The following WIPI2 variants were observed in gnomAD, a reference collection of about 807,000 sequenced individuals.
WIPI2 encodes WD repeat domain, phosphoinositide interacting 2, also known as WD repeat domain phosphoinositide-interacting protein 2.
WIPI2 carries 28 observed loss-of-function variants against 52.3 expected under a neutral mutation model. The observed-to-expected ratio is 0.54, with a 90% CI of 0.40 to 0.73. The LOEUF (loss-of-function observed/expected upper bound fraction) is 0.73. Among genes scored for constraint, WIPI2 ranks in the 30% least tolerant of loss-of-function variants. The probability of loss-of-function intolerance (pLI) is 0.00; values close to 1 mark genes in which losing one functional copy is unlikely to be tolerated. For synonymous variants in WIPI2, 268 were observed against 245.0 expected (o/e 1.09, Z -0.88); for missense variants, 506 against 602.9 (o/e 0.84, Z 1.68).
intron 6 of WIPI2, chr7:5,217,461 G>T (rs1214527267): frequency 4.6e-6 from 2 of 437,260 alleles, no homozygotes; most frequent in Non-Finnish European, 8.4e-6. Context: ...ACCACACCCA[G>T]CTAATTTTTT....
chr7:5,222,472 G>T, intron 7 of WIPI2, 130 bp from the exon 8 acceptor site: 1 of 942,288 alleles, frequency 1.1e-6, no homozygotes, highest in Non-Finnish European at 1.7e-6. Context: ...GGGGACCCCA[G>T]ACTCCTTGGT....
intron 7 of WIPI2, 97 bp downstream of exon 7, chr7:5,218,111 C>A: frequency 1.5e-6 from 2 of 1,298,860 alleles, no homozygotes; most frequent in Admixed American, 3.5e-5. Context: ...AGGTCCTATA[C>A]TTACCAGCTC....
At chr7:5,214,334 G>A in intron 3 of WIPI2, 1 of 1,576,040 alleles carries the variant, frequency 6.3e-7, no homozygotes, top group Non-Finnish European at 8.6e-7. Context: ...TCCTTAGAGT[G>A]GAAATGCTCC....
chr7:5,193,144 C>A lies in WIPI2; in HGVS notation c.101C>A (p.Ala34Asp). ...NTEVKGASRA[A>D]GLGRRAVVWS... ...GAAGTGAAAGGGGCATCAAGAGCAG[C>A]TGGTCTTGGCCGTCGCGCTGTTGTC... is the stretch of plus-strand genomic sequence containing the variant. The change falls in exon 2 of 13, where the codon GCT becomes GAT. Residue 34 changes from alanine (A) to aspartate (D), a missense_variant. Physicochemically the swap from Ala to Asp is moderately radical, Grantham distance 126. This residue lies in a region of WIPI2 where 60 missense variants were observed against 49.7 expected (regional missense o/e 1.21). Transcript: ENST00000288828. 6.2e-7 allele frequency: 1 copy of A among 1,613,932 alleles called. No homozygotes were observed. The highest frequency in any genetic ancestry group is 8.5e-7 in the Non-Finnish European group (1 of 1,179,994).
chr7:5,223,705 T>C (rs1783268343), intron 8 of WIPI2, among the ~76,000 whole-genome samples: 1 of 152,200 alleles, frequency 6.6e-6, no homozygotes, highest in South Asian at 2.1e-4. Flanking sequence ...GTATTCCTCC[T>C]GCCTGCTGGG....
chr7:5,214,174 G>A (rs1583569734), intron 3 of WIPI2: 6 of 968,624 alleles, frequency 6.2e-6, no homozygotes, highest in East Asian at 5.5e-5. Flanking sequence ...TTGCAGTTTC[G>A]TAGTAGTTTG....
In WIPI2 at chr7:5,232,318, TC is replaced by T. The variant is rs1331744921; in HGVS notation, c.*1375del. ...TGGGCGAAGAGCTGGAGGGGAGTTG[TC>T]CCCTCAGCTGAGCGGCTGCGGTGAA... On this transcript the variant is annotated 3_prime_UTR_variant, in exon 13 of 13. Coordinates refer to ENST00000288828, the MANE Select transcript of WIPI2 (RefSeq NM_015610.4). 1 of 398,520 alleles carries T rather than the reference TC, an allele frequency of 2.5e-6. No individual in the cohort carries two copies. Among genetic ancestry groups the T allele is most frequent in the Admixed American group, 4.4e-5 (1 of 22,718 alleles). 24.7% of individuals were successfully genotyped at this position (398,520 alleles called of 1,614,324 possible). A position where few individuals can be genotyped will look rare whatever the true frequency, so the allele number is the denominator to read the frequency against.
chr7:5,221,188 C>A (rs943878796), intron 7 of WIPI2, among the ~76,000 whole-genome samples: 1 of 152,062 alleles, frequency 6.6e-6, no homozygotes, highest in South Asian at 2.1e-4. Flanking sequence ...GTCTGGAACT[C>A]CTCACCTCAG....
intron 6 of WIPI2, chr7:5,217,555 C>A: frequency 2.5e-6 from 1 of 399,846 alleles, no homozygotes. Context: ...CCTCGGCCCC[C>A]TAAAGTGCTG....
rs368167966 is a variant in WIPI2 at position 5,209,426 on chromosome 7, TA to T, written c.212-5107del. Among the ~76,000 whole-genome samples, 641 of 152,342 alleles carry T rather than the reference TA, an allele frequency of 4.2e-3. 13 individuals carry two copies. Among genetic ancestry groups the T allele is most frequent in the East Asian group, 2.7e-3 (14 of 5,194 alleles). ...GTACAGTGTCAGCTGTAGATTTTCT[TA>T]ACTGTTTCTTAACCTTCATCAGTGA... On this transcript the variant is annotated intron_variant, in intron 3 of 12. Coordinates refer to ENST00000288828, the MANE Select transcript of WIPI2 (RefSeq NM_015610.4).
intron 3 of WIPI2, among the ~76,000 whole-genome samples, chr7:5,211,209 C>T (rs998816033): frequency 2.6e-5 from 4 of 152,218 alleles, no homozygotes; most frequent in Non-Finnish European, 4.4e-5. Context: ...CGGTGGCTCA[C>T]GCCTGTAATC....
At chr7:5,213,557 G>T (rs1782664139) in intron 3 of WIPI2, among the ~76,000 whole-genome samples, 1 of 152,220 alleles carries the variant, frequency 6.6e-6, no homozygotes. Flanking sequence ...CGCAGCGCAG[G>T]TCTGTAGCCA....
At chr7:5,225,961 T>C (rs1235799302) in intron 9 of WIPI2, 31 bp downstream of exon 9, 1 of 1,589,062 alleles carries the variant, frequency 6.3e-7, no homozygotes, top group Non-Finnish European at 8.6e-7. Flanking sequence ...TCTTTAAAAA[T>C]GATGCAAAAC....
At chr7:5,201,614 C>T (rs998978759) in intron 3 of WIPI2, among the ~76,000 whole-genome samples, 5 of 152,180 alleles carry the variant, frequency 3.3e-5, no homozygotes, top group Non-Finnish European at 5.9e-5. Flanking sequence ...GGCATGGTGG[C>T]GCACACCTGT....
chr7:5,203,901 G>A (rs1247520598), intron 3 of WIPI2, among the ~76,000 whole-genome samples: 6 of 152,146 alleles, frequency 3.9e-5, no homozygotes, highest in Non-Finnish European at 8.8e-5. Flanking sequence ...GGGATTATAG[G>A]CGTGAGCCAC....
chr7:5,218,043 T>C, intron 7 of WIPI2, 29 bp downstream of exon 7: 1 of 1,610,500 alleles, frequency 6.2e-7, no homozygotes. Context: ...GGGGGAGCAC[T>C]GGTGCCAAGG....
At chr7:5,228,265 C>G in intron 11 of WIPI2, 54 bp downstream of exon 11, 1 of 1,490,670 alleles carries the variant, frequency 6.7e-7, no homozygotes, top group South Asian at 1.2e-5. Context: ...GGGGGGCTTT[C>G]GGGGCACCTG....
chr7:5,211,763 G>A (rs1356841054), intron 3 of WIPI2, among the ~76,000 whole-genome samples: 1 of 152,170 alleles, frequency 6.6e-6, no homozygotes, highest in African/African-American at 2.4e-5. Context: ...GAAGCTGAGA[G>A]TCCAACTCTT....
chr7:5,216,162 A>ATGGTGTTCTAGAAGGAACTAAGATT (rs71004637), intron 4 of WIPI2: 22,558 of 162,906 alleles, frequency 0.14, 1,720 homozygotes, highest in East Asian at 0.28. Context: ...ATTGGTCTGC[A>ATGGTGTTCTAGAAGGAACTAAGATT]TGGTGTTCTA....
Sources: gnomAD v4.1 joint callset for allele counts (sites outside exome capture counted in the v4.1 genomes callset) on GRCh38, gnomAD v4.1.1 for gene constraint, gnomAD v4.1.1 regional missense constraint, MANE v1.5 for transcripts, NCBI Gene and HGNC (gene_info 2026-07-23, HGNC 2026-07-21) for gene names.